Variants in PLD5 observed in about 807,000 individuals in gnomAD.
The protein encoded by PLD5 is phospholipase D family member 5.
Under a neutral mutation model 61.1 loss-of-function variants are expected in PLD5, and 36 were observed. The ratio of observed to expected loss-of-function variants is 0.59; its 90% CI spans 0.45 to 0.78. The LOEUF is 0.78. PLD5 is among the 30% of genes least tolerant of loss of function. PLD5 has a pLI of 0.00. For missense variants in PLD5, 515 were observed against 644.4 expected, an observed-to-expected ratio of 0.80 and a Z score of 2.17; for synonymous variants, 243 against 242.8, an observed-to-expected ratio of 1.00 and a Z score of -0.01.
At chr1:242,462,867 C>A (rs1365984204) in intron 1 of PLD5, among the ~76,000 whole-genome samples, 1 of 152,166 alleles carries the variant, frequency 6.6e-6, no homozygotes, top group Non-Finnish European at 1.5e-5. Context: ...TCCACTGATT[C>A]CTGAGTCAAT....
rs372006429 is a variant in PLD5, at chr1:242,410,750, C to T, written c.190-62508G>A. Among the ~76,000 whole-genome samples the T allele has an allele frequency of 1.9e-4, 29 of 152,100 alleles. 1 individual carries two copies. Among genetic ancestry groups the T allele is most frequent in the African/African-American group, 6.7e-4 (28 of 41,490 alleles). Reference sequence around the variant, plus strand: ...TTTATATCCTACTGCTCAAGGTCATCGCCAAGCAGGTGACCTCAGGCATAA... The same window carrying T: ...TTTATATCCTACTGCTCAAGGTCATTGCCAAGCAGGTGACCTCAGGCATAA... On this transcript the variant is annotated intron_variant, in intron 1 of 9. Coordinates refer to ENST00000536534, the MANE Select transcript of PLD5 (RefSeq NM_001372062.1).
intron 5 of PLD5, among the ~76,000 whole-genome samples, chr1:242,206,496 A>G (rs998119613): frequency 5.9e-5 from 9 of 152,192 alleles, no homozygotes; most frequent in South Asian, 2.1e-4. Context: ...TACAGTCAAA[A>G]ATCTGTGTAT....
chr1:242,492,364 T>C (rs952044961), intron 1 of PLD5, among the ~76,000 whole-genome samples: 1 of 150,438 alleles, frequency 6.6e-6, no homozygotes. Flanking sequence ...AAAAAACAAA[T>C]ACTAAAAATT....
intron 1 of PLD5, among the ~76,000 whole-genome samples, chr1:242,513,852 C>T (rs904441700): frequency 2.1e-4 from 32 of 152,342 alleles, no homozygotes; most frequent in African/African-American, 7.7e-4. Flanking sequence ...TAAACGTTTC[C>T]TGAATGAATG....
chr1:242,161,613 G>A (rs941360185), intron 5 of PLD5, among the ~76,000 whole-genome samples: 4 of 152,186 alleles, frequency 2.6e-5, no homozygotes, highest in African/African-American at 9.7e-5. Flanking sequence ...AGTTGGATAT[G>A]TGAAGTGAGA....
intron 1 of PLD5, among the ~76,000 whole-genome samples, chr1:242,515,669 G>A (rs1669081933): frequency 6.6e-6 from 1 of 152,152 alleles, no homozygotes; most frequent in Non-Finnish European, 1.5e-5. Context: ...TACACTGTAT[G>A]GATAGACTAC....
chr1:242,499,901 C>T (rs774666893), intron 1 of PLD5, among the ~76,000 whole-genome samples: 1 of 152,152 alleles, frequency 6.6e-6, no homozygotes, highest in African/African-American at 2.4e-5. Context: ...CATCTACAGG[C>T]CTTTTCACTC....
intron 1 of PLD5, among the ~76,000 whole-genome samples, chr1:242,372,881 G>T (rs1250059003): frequency 3.3e-5 from 5 of 152,162 alleles, no homozygotes; most frequent in Non-Finnish European, 5.9e-5. Flanking sequence ...ACATAGGCAT[G>T]GGCAAGGACT....
intron 3 of PLD5, among the ~76,000 whole-genome samples, chr1:242,287,587 C>T (rs1165485114): frequency 6.6e-6 from 1 of 152,064 alleles, no homozygotes; most frequent in Non-Finnish European, 1.5e-5. Context: ...CTTAATACCA[C>T]TACATTTTGC....
intron 5 of PLD5, chr1:242,210,667 AC>A (rs970995661): frequency 6.6e-6 from 1 of 151,268 alleles, no homozygotes; most frequent in Non-Finnish European, 1.5e-5. Flanking sequence ...GCACCTTGTG[AC>A]CCCCACTCCT....
chr1:242,191,487 G>A (rs1464691465), intron 5 of PLD5, among the ~76,000 whole-genome samples: 3 of 152,124 alleles, frequency 2.0e-5, no homozygotes, highest in African/African-American at 2.4e-5. Context: ...TCGGGAGGCT[G>A]AGGCAGGAAA....
chr1:242,520,545 A>G (rs571814067), intron 1 of PLD5, among the ~76,000 whole-genome samples: 1 of 152,282 alleles, frequency 6.6e-6, no homozygotes, highest in African/African-American at 2.4e-5. Flanking sequence ...TCTTAACCAC[A>G]CTTTGACAGG....
chr1:242,112,814 C>A (rs1005213868), intron 7 of PLD5, among the ~76,000 whole-genome samples: 1 of 152,166 alleles, frequency 6.6e-6, no homozygotes, highest in Non-Finnish European at 1.5e-5. Flanking sequence ...ACTTTGAAAA[C>A]ATTTCCTGGA....
intron 4 of PLD5, among the ~76,000 whole-genome samples, chr1:242,263,494 C>A (rs2149100384): frequency 6.6e-6 from 1 of 150,522 alleles, no homozygotes; most frequent in South Asian, 2.1e-4. Context: ...AATACAATAA[C>A]TGTATTCTAA....
chr1:242,410,270 T>A (rs182469231), intron 1 of PLD5, among the ~76,000 whole-genome samples: 84 of 152,262 alleles, frequency 5.5e-4, no homozygotes, highest in African/African-American at 1.9e-3. Context: ...AATGAGCAGC[T>A]AAGCACATCC....
chr1:242,432,494 T>TA (rs201849445), intron 1 of PLD5, among the ~76,000 whole-genome samples: 3,234 of 152,276 alleles, frequency 0.021, 133 homozygotes, highest in African/African-American at 0.072. Context: ...TCAATGCTCA[T>TA]AAATGGAAGG....
rs973192200 is a variant in PLD5, at chr1:242,229,903, T to C, written c.608-9788A>G. ...CACTGGTAAGACCTCTAAAAAAATATTGATAAAAAAAAAAAAAAGCTGTGT... is the reference window on the plus strand; with the variant it reads ...CACTGGTAAGACCTCTAAAAAAATACTGATAAAAAAAAAAAAAAGCTGTGT... On this transcript the variant is annotated intron_variant, in intron 4 of 9. Transcript: ENST00000536534. 1.6e-4 allele frequency among the ~76,000 whole-genome samples: 22 copies of C among 138,158 alleles called. 1 individual carries two copies. In the Middle Eastern group the frequency reaches 0.011, roughly 71 times the overall value. 90.6% of individuals were successfully genotyped at this position (138,158 alleles called of 152,430 possible). A position where few individuals can be genotyped will look rare whatever the true frequency, so the allele number is the denominator to read the frequency against.
intron 2 of PLD5, among the ~76,000 whole-genome samples, chr1:242,330,774 ACAT>A (rs1256492227): frequency 6.6e-6 from 1 of 152,254 alleles, no homozygotes; most frequent in South Asian, 2.1e-4. Flanking sequence ...TTAATAAAAT[ACAT>A]CATCACCTAT....
intron 4 of PLD5, among the ~76,000 whole-genome samples, chr1:242,251,909 G>T (rs1672725977): frequency 1.3e-5 from 2 of 152,186 alleles, no homozygotes; most frequent in Non-Finnish European, 2.9e-5. Flanking sequence ...ATGTAGATAT[G>T]GAAAATGTAC....
Sources: gnomAD v4.1 joint callset for allele counts (sites outside exome capture counted in the v4.1 genomes callset) on GRCh38, gnomAD v4.1.1 for gene constraint, MANE v1.5 for transcripts, NCBI Gene and HGNC (gene_info 2026-07-23, HGNC 2026-07-21) for gene names.